Variants in SHISA5 observed in about 807,000 individuals in gnomAD.
SHISA5 encodes the protein protein shisa-5.
A neutral mutation model predicts 27.5 loss-of-function variants in SHISA5; 21 were observed. The ratio of observed to expected loss-of-function variants is 0.76; its 90% CI spans 0.54 to 1.10. The LOEUF is 1.10. Among genes scored for constraint, SHISA5 ranks in the 50% least tolerant of loss-of-function variants. SHISA5 has a pLI of 0.00. For missense variants in SHISA5, 314 were observed against 336.3 expected (o/e 0.93, Z 0.52); for synonymous variants, 137 against 142.2 (o/e 0.96, Z 0.26).
chr3:48,496,289 C>CAA (rs71074254), intron 2 of SHISA5, among the ~76,000 whole-genome samples: 12,268 of 136,382 alleles, frequency 0.09, 924 homozygotes, highest in African/African-American at 0.21. Flanking sequence ...GCGACTCCGT[C>CAA]AAAAAAAAAA....
At position 48,469,101 on chromosome 3, in the gene SHISA5, G is replaced by A. The variant is rs1372082558; in HGVS notation, c.*6C>T. On this transcript the variant is annotated 3_prime_UTR_variant, in exon 6 of 6. Transcript: ENST00000296444. This position sits in a 1 kb window ranked among gnomAD's most constrained non-coding sequence, Gnocchi z 4.6. ...CCAAGTGGCAGCCAGAGAGGCCAGG[G>A]AATGCTCAGAGGGCCGCCTTCGGGG... is the stretch of plus-strand genomic sequence containing the variant. 1 of 1,612,908 alleles carries A rather than the reference G, an allele frequency of 6.2e-7. No individual in the cohort carries two copies. Among genetic ancestry groups the A allele is most frequent in the Non-Finnish European group, 8.5e-7 (1 of 1,180,014 alleles).
In SHISA5 at chr3:48,468,802, G is replaced by T. The variant is rs1475781662; in HGVS notation, c.*305C>A. 3 of 1,444,638 alleles carry T rather than the reference G, an allele frequency of 2.1e-6. No individual in the cohort carries two copies. Among genetic ancestry groups the T allele is most frequent in the East Asian group, 3.1e-5 (1 of 32,512 alleles). The allele number at this position is 1,444,638 out of a possible 1,614,324, so 89.5% of individuals were successfully genotyped here. On this transcript the variant is annotated 3_prime_UTR_variant, in exon 6 of 6. Coordinates refer to ENST00000296444, the MANE Select transcript of SHISA5 (RefSeq NM_016479.6). ...CTGGAGAGGCCCCCACCTCTCAGGG[G>T]CCACCTCACAGGGTGCCCCCCACCA...
At chr3:48,472,043 C>T (rs1389077781) in intron 3 of SHISA5, among the ~76,000 whole-genome samples, 3 of 151,304 alleles carry the variant, frequency 2.0e-5, no homozygotes, top group South Asian at 2.1e-4. Context: ...ATTAGCAGGG[C>T]GTAGTGGCGC....
Position 48,470,995 on chromosome 3 carries a change from C to A in SHISA5, c.315-1152G>T, listed in dbSNP as rs1442966834. 2.0e-5 allele frequency among the ~76,000 whole-genome samples: 3 copies of A among 151,424 alleles called. No homozygotes were observed. The highest frequency in any genetic ancestry group is 4.4e-5 in the Non-Finnish European group (3 of 67,850). ...CAGAGCCCCTTACTAGCCACCCTGC[C>A]GTGTTTGCAGAGGCCAAGCTTCATT... On this transcript the variant is annotated intron_variant, in intron 3 of 5. Coordinates refer to ENST00000296444, the MANE Select transcript of SHISA5 (RefSeq NM_016479.6). This position sits in a 1 kb window ranked among gnomAD's most constrained non-coding sequence, Gnocchi z 4.3.
intron 3 of SHISA5, among the ~76,000 whole-genome samples, chr3:48,477,323 T>C (rs2040859497): frequency 6.6e-6 from 1 of 152,156 alleles, no homozygotes; most frequent in South Asian, 2.1e-4. Flanking sequence ...CTTGAACTCC[T>C]GGCCTCAGGT....
chr3:48,477,135 C>T, intron 3 of SHISA5: 1 of 430,972 alleles, frequency 2.3e-6, no homozygotes, highest in South Asian at 1.7e-5. Context: ...CAGAACAACC[C>T]TTCACATGGA....
intron 2 of SHISA5, among the ~76,000 whole-genome samples, chr3:48,490,326 G>T (rs778818567): frequency 3.3e-5 from 5 of 152,230 alleles, no homozygotes; most frequent in Non-Finnish European, 5.9e-5. Flanking sequence ...GCCCACCTCG[G>T]CTTCCCGAAG....
intron 2 of SHISA5, among the ~76,000 whole-genome samples, chr3:48,483,857 G>T (rs2041114506): frequency 6.6e-6 from 1 of 152,068 alleles, no homozygotes; most frequent in African/African-American, 2.4e-5. Flanking sequence ...GGCTGGCCGG[G>T]CGGGGGGCTG....
chr3:48,479,113 G>T, intron 3 of SHISA5, 64 bp downstream of exon 3: 2 of 1,433,472 alleles, frequency 1.4e-6, no homozygotes, highest in South Asian at 1.2e-5. Flanking sequence ...ATGCACACTG[G>T]CCCCCCTGAG....
At chr3:48,477,599 C>T (rs945761333) in intron 3 of SHISA5, among the ~76,000 whole-genome samples, 2 of 152,164 alleles carry the variant, frequency 1.3e-5, no homozygotes, top group African/African-American at 4.8e-5. Context: ...CATCCATTCA[C>T]GGCTAAAACT....
chr3:48,502,288 G>A (rs2041780111), intron 1 of SHISA5: 1 of 433,850 alleles, frequency 2.3e-6, no homozygotes, highest in African/African-American at 2.0e-5. Context: ...CATGATGGCA[G>A]GCTAGATCCT....
Position 48,469,223 on chromosome 3 carries a change from G to A in SHISA5, c.644-37C>T, listed in dbSNP as rs776384665. The A allele has an allele frequency of 1.9e-5, 31 of 1,604,768 alleles. No homozygotes were observed. In the East Asian group the frequency reaches 6.3e-4, roughly 32 times the overall value. ...GAGGACCCTGGTTGGCTGTGAGCAT[G>A]GTGGGCTGCCGTGTGAGTGGCAGGC... On this transcript the variant is annotated intron_variant, in intron 5 of 5. Coordinates refer to ENST00000296444, the MANE Select transcript of SHISA5 (RefSeq NM_016479.6). The surrounding 1 kb of genome is among the most constrained non-coding windows in gnomAD (Gnocchi z 4.6).
chr3:48,498,954 T>C (rs1265476222), intron 2 of SHISA5, among the ~76,000 whole-genome samples: 1 of 150,844 alleles, frequency 6.6e-6, no homozygotes, highest in Non-Finnish European at 1.5e-5. Context: ...TGGTGGCACA[T>C]GCCTGTAATC....
intron 3 of SHISA5, among the ~76,000 whole-genome samples, chr3:48,472,489 C>CT (rs1200322608): frequency 6.6e-6 from 1 of 152,190 alleles, no homozygotes; most frequent in African/African-American, 2.4e-5. Flanking sequence ...GAGCGAGACT[C>CT]TGTCTCCAAA....
In SHISA5 at chr3:48,496,501, C is replaced by T. The variant is rs145455371; in HGVS notation, c.233+4636G>A. 4.7e-3 allele frequency among the ~76,000 whole-genome samples: 714 copies of T among 151,724 alleles called. 6 individuals carry two copies. Among genetic ancestry groups the T allele is most frequent in the African/African-American group, 0.016 (683 of 41,404 alleles). ...GTCCCGGCTACATGGGAGGCTGAGG[C>T]GGATGGATCACCTGAGGTCGGGAGC... On this transcript the variant is annotated intron_variant, in intron 2 of 5. Coordinates refer to ENST00000296444, the MANE Select transcript of SHISA5 (RefSeq NM_016479.6).
In SHISA5 at chr3:48,473,734, G is replaced by T; in HGVS notation, c.315-3891C>A. Reference sequence around the variant, plus strand: ...TACATGTTAAACTGAGTGTGTCTGTGCTTTCCTGTGTATGTATTATAGTTG... The same window carrying T: ...TACATGTTAAACTGAGTGTGTCTGTTCTTTCCTGTGTATGTATTATAGTTG... On this transcript the variant is annotated intron_variant, in intron 3 of 5. Transcript: ENST00000296444. The surrounding 1 kb of genome is among the most constrained non-coding windows in gnomAD (Gnocchi z 4.3). 2.4e-6 allele frequency: 1 copy of T among 412,192 alleles called. No individual in the cohort carries two copies. Among genetic ancestry groups the T allele is most frequent in the Non-Finnish European group, 3.3e-6 (1 of 306,412 alleles). The allele number at this position is 412,192 out of a possible 1,614,324, so 25.5% of individuals were successfully genotyped here. A position where few individuals can be genotyped will look rare whatever the true frequency, so the allele number is the denominator to read the frequency against.
At chr3:48,490,064 TTTG>T (rs537319988) in intron 2 of SHISA5, among the ~76,000 whole-genome samples, 91 of 151,978 alleles carry the variant, frequency 6.0e-4, no homozygotes, top group Non-Finnish European at 1.0e-3. Context: ...CTCCGTTTTT[TTTG>T]TTGTTGTTGC....
At chr3:48,476,839 G>C in intron 3 of SHISA5, 1 of 277,882 alleles carries the variant, frequency 3.6e-6, no homozygotes, top group South Asian at 3.1e-5. Flanking sequence ...TCGATGCATG[G>C]GCAAAATAGC....
chr3:48,486,344 GATAATGTATTATATATTATA>G (rs2041229733), intron 2 of SHISA5, among the ~76,000 whole-genome samples: 1 of 4,468 alleles, frequency 2.2e-4, no homozygotes, highest in Non-Finnish European at 4.5e-4. Context: ...AATATATAAT[GATAATGTATTATATATTATA>G]TATTATATAA....
Sources: allele counts gnomAD v4.1 joint callset (sites outside exome capture counted in the v4.1 genomes callset), GRCh38; gene constraint gnomAD v4.1.1; non-coding constraint Gnocchi (gnomAD v3.1); transcripts MANE v1.5; gene names NCBI Gene and HGNC (gene_info 2026-07-23, HGNC 2026-07-21).